The following CPPED1 variants were observed in gnomAD, a reference collection of about 807,000 sequenced individuals.
CPPED1 encodes the protein serine/threonine-protein phosphatase CPPED1.
CPPED1 carries 28 observed loss-of-function variants against 28.0 expected under a neutral mutation model. That is an observed-to-expected ratio of 1.00 (90% CI 0.74 to 1.37). The LOEUF (loss-of-function observed/expected upper bound fraction) is 1.37. CPPED1 is among the 40% of genes most tolerant of loss of function. CPPED1 has a pLI of 0.00. For synonymous variants in CPPED1, 198 were observed against 180.2 expected, an observed-to-expected ratio of 1.10 and a Z score of -0.79; for missense variants, 504 against 416.5, an observed-to-expected ratio of 1.21 and a Z score of -1.83.
At chr16:12,703,012 C>G (rs1475856891) in intron 3 of CPPED1, among the ~76,000 whole-genome samples, 1 of 122,148 alleles carries the variant, frequency 8.2e-6, no homozygotes, top group Non-Finnish European at 1.7e-5. Flanking sequence ...GACTCCGTCT[C>G]AAAAAAAAAA....
At chr16:12,792,279 G>C (rs1391556534) in intron 1 of CPPED1, among the ~76,000 whole-genome samples, 3 of 152,232 alleles carry the variant, frequency 2.0e-5, no homozygotes, top group Non-Finnish European at 1.5e-5. Flanking sequence ...CACTGGTCCT[G>C]ATGGACCAGT....
intron 3 of CPPED1, among the ~76,000 whole-genome samples, chr16:12,690,582 C>T (rs1416312371): frequency 1.3e-5 from 2 of 148,816 alleles, no homozygotes; most frequent in Admixed American, 6.8e-5. Flanking sequence ...TTTGGGAGGC[C>T]GAGGTAGGTG....
In CPPED1 at chr16:12,664,431, T is replaced by C. The variant is rs2079813432; in HGVS notation, c.*455A>G. The C allele has an allele frequency of 9.9e-7, 1 of 1,009,588 alleles. No individual in the cohort carries two copies. The highest frequency in any genetic ancestry group is 1.1e-4 in the East Asian group (1 of 8,978). The allele number at this position is 1,009,588 out of a possible 1,614,324, so 62.5% of individuals were successfully genotyped here. The stretch of plus-strand genomic sequence containing the variant: ...CGCTGGAAAGGAAAGGAGATGAACT[T>C]TGTTTTGCCTAGCGTTTTGGGAATC... On this transcript the variant is annotated 3_prime_UTR_variant, in exon 4 of 4. Coordinates refer to ENST00000381774, the MANE Select transcript of CPPED1 (RefSeq NM_018340.3). This position sits in a 1 kb window ranked among gnomAD's most constrained non-coding sequence, Gnocchi z 4.2.
At chr16:12,751,769 G>T (rs1210903551) in intron 2 of CPPED1, among the ~76,000 whole-genome samples, 1 of 152,150 alleles carries the variant, frequency 6.6e-6, no homozygotes, top group South Asian at 2.1e-4. Flanking sequence ...TCTGAAGCTG[G>T]CTAGGGATGC....
At chr16:12,726,391 G>C (rs1054430582) in intron 2 of CPPED1, among the ~76,000 whole-genome samples, 2 of 146,852 alleles carry the variant, frequency 1.4e-5, no homozygotes, top group Non-Finnish European at 3.0e-5. Context: ...TGCCCAGGCT[G>C]GAGTGCAGTG....
chr16:12,764,493 A>G (rs1388726514), intron 2 of CPPED1, among the ~76,000 whole-genome samples: 1 of 151,820 alleles, frequency 6.6e-6, no homozygotes, highest in Admixed American at 6.6e-5. Context: ...GTGAGCCACC[A>G]CACCTGGCCA....
chr16:12,699,988 C>T (rs546428915), intron 3 of CPPED1, among the ~76,000 whole-genome samples: 1 of 152,336 alleles, frequency 6.6e-6, no homozygotes, highest in East Asian at 1.9e-4. Context: ...CAGCCAAGAG[C>T]GCCCACCTAC....
intron 2 of CPPED1, among the ~76,000 whole-genome samples, chr16:12,770,146 T>G (rs965093865): frequency 6.6e-6 from 1 of 152,180 alleles, no homozygotes; most frequent in Non-Finnish European, 1.5e-5. Context: ...AGAGATAGCA[T>G]GGAAGAAAAG....
chr16:12,789,329 C>T (rs1297842556), intron 1 of CPPED1, among the ~76,000 whole-genome samples: 3 of 152,082 alleles, frequency 2.0e-5, no homozygotes, highest in East Asian at 1.9e-4. Flanking sequence ...AGAGGAGACC[C>T]AGCAAAGGAA....
intron 3 of CPPED1, among the ~76,000 whole-genome samples, chr16:12,696,293 AG>A (rs1168856680): frequency 6.6e-6 from 1 of 152,138 alleles, no homozygotes; most frequent in Non-Finnish European, 1.5e-5. Flanking sequence ...CCAGCACCCC[AG>A]GGGTGAGAAG....
chr16:12,678,448 T>C (rs994312028), intron 3 of CPPED1, among the ~76,000 whole-genome samples: 1 of 152,228 alleles, frequency 6.6e-6, no homozygotes, highest in African/African-American at 2.4e-5. Flanking sequence ...ATAAAACTGC[T>C]ATAATTTTGA....
At chr16:12,702,883 G>A (rs1596452386) in intron 3 of CPPED1, among the ~76,000 whole-genome samples, 1 of 151,908 alleles carries the variant, frequency 6.6e-6, no homozygotes, top group Non-Finnish European at 1.5e-5. Context: ...ATGGTGATGG[G>A]TGCCTGTAAT....
intron 2 of CPPED1, among the ~76,000 whole-genome samples, chr16:12,739,864 T>C (rs1255300767): frequency 6.6e-6 from 1 of 152,086 alleles, no homozygotes; most frequent in Non-Finnish European, 1.5e-5. Flanking sequence ...CCTGCCTTCT[T>C]CTCTTAAACA....
chr16:12,782,837 C>G (rs1313387877), intron 1 of CPPED1, among the ~76,000 whole-genome samples: 1 of 152,022 alleles, frequency 6.6e-6, no homozygotes, highest in Non-Finnish European at 1.5e-5. Flanking sequence ...CGTCACTGCA[C>G]TCCAGCCTGG....
At chr16:12,743,006 G>A (rs2080264695) in intron 2 of CPPED1, among the ~76,000 whole-genome samples, 1 of 152,196 alleles carries the variant, frequency 6.6e-6, no homozygotes, top group Non-Finnish European at 1.5e-5. Context: ...TGGGTCATGA[G>A]TGACCCAGCA....
intron 3 of CPPED1, among the ~76,000 whole-genome samples, chr16:12,695,917 C>T (rs1228433797): frequency 6.6e-6 from 1 of 152,154 alleles, no homozygotes; most frequent in Non-Finnish European, 1.5e-5. Context: ...TCTTTTGAAA[C>T]AGGTGTGTGC....
chr16:12,779,825 C>T (rs1596482377), intron 2 of CPPED1, among the ~76,000 whole-genome samples: 2 of 152,102 alleles, frequency 1.3e-5, no homozygotes, highest in African/African-American at 2.4e-5. Context: ...CTCAGAGCCT[C>T]GGTTTACAAG....
chr16:12,677,457 G>A (rs1043479192), intron 3 of CPPED1, among the ~76,000 whole-genome samples: 1 of 152,216 alleles, frequency 6.6e-6, no homozygotes, highest in African/African-American at 2.4e-5. Context: ...TGGCCAACAT[G>A]GCAAAACCCT....
At chr16:12,772,908 G>A (rs1300707664) in intron 2 of CPPED1, among the ~76,000 whole-genome samples, 1 of 152,188 alleles carries the variant, frequency 6.6e-6, no homozygotes, top group Non-Finnish European at 1.5e-5. Flanking sequence ...CTCGGGCAGT[G>A]CCCTGTAATG....
Sources: gnomAD v4.1 joint callset for allele counts (sites outside exome capture counted in the v4.1 genomes callset) on GRCh38, gnomAD v4.1.1 for gene constraint, Gnocchi (gnomAD v3.1) non-coding constraint, MANE v1.5 for transcripts, NCBI Gene and HGNC (gene_info 2026-07-23, HGNC 2026-07-21) for gene names.